TTC21B: variants seen among roughly 807,000 people sequenced by gnomAD.
TTC21B encodes the protein tetratricopeptide repeat domain 21B, also known as tetratricopeptide repeat protein 21B.
Under a neutral mutation model 175.1 loss-of-function variants are expected in TTC21B, and 127 were observed. That is an observed-to-expected ratio of 0.73 (90% CI 0.63 to 0.84). TTC21B has a LOEUF of 0.84. TTC21B is among the 40% of genes least tolerant of loss of function. The pLI is 0.00. For missense variants in TTC21B, 1,561 were observed against 1,558.3 expected, an observed-to-expected ratio of 1.00 and a Z score of -0.03; for synonymous variants, 524 against 524.5, an observed-to-expected ratio of 1.00 and a Z score of 0.01.
rs1407133502 is a variant in TTC21B, at chr2:165,953,739, G to GA, written c.-35dup. 2.1e-5 allele frequency: 33 copies of GA among 1,544,982 alleles called. No individual in the cohort carries two copies. Among genetic ancestry groups the GA allele is most frequent in the Non-Finnish European group, 2.6e-6 (3 of 1,144,422 alleles). On this transcript the variant is annotated 5_prime_UTR_variant, in exon 1 of 29. Coordinates refer to ENST00000243344, the MANE Select transcript of TTC21B (RefSeq NM_024753.5). Reference sequence around the variant, plus strand: ...CGAGGCCGGGCCGCGGGGCTCTGGGGATTGTCTCGCCGCAGCCTAAAGGAA... The same window carrying GA: ...CGAGGCCGGGCCGCGGGGCTCTGGGGAATTGTCTCGCCGCAGCCTAAAGGAA...
intron 4 of TTC21B, among the ~76,000 whole-genome samples, chr2:165,944,515 A>T (rs1687481156): frequency 6.6e-6 from 1 of 152,310 alleles, no homozygotes; most frequent in African/African-American, 2.4e-5. Flanking sequence ...ACAAGGAAGT[A>T]CTATCTTTTT....
At chr2:165,883,395 G>A (rs1378283004) in intron 26 of TTC21B, among the ~76,000 whole-genome samples, 2 of 152,104 alleles carry the variant, frequency 1.3e-5, no homozygotes, top group Non-Finnish European at 2.9e-5. Flanking sequence ...TTCTAATAAT[G>A]AGAAAATGAC....
chr2:165,941,349 T>A (rs752812496), intron 5 of TTC21B, among the ~76,000 whole-genome samples, 165 bp from the exon 6 acceptor site: 22 of 152,210 alleles, frequency 1.4e-4, no homozygotes, highest in Non-Finnish European at 2.9e-4. Context: ...CATCACAGAA[T>A]AATACAAATA....
chr2:165,879,639 A>T (rs1200057412), intron 27 of TTC21B: 1 of 152,248 alleles, frequency 6.6e-6, no homozygotes, highest in Admixed American at 6.5e-5. Flanking sequence ...TAAGAAGCCA[A>T]ATCATATTTG....
intron 15 of TTC21B, among the ~76,000 whole-genome samples, chr2:165,914,698 T>TGTGCGCGCGCGCGCG (rs71031214): frequency 7.6e-6 from 1 of 132,376 alleles, no homozygotes; most frequent in Admixed American, 7.5e-5. Context: ...TGTGTGTGTG[T>TGTGCGCGCGCGCGCG]TGTGTATCCC....
chr2:165,943,489 C>A, intron 4 of TTC21B, 148 bp from the exon 5 acceptor site: 1 of 696,770 alleles, frequency 1.4e-6, no homozygotes, highest in Non-Finnish European at 2.4e-6. Context: ...TTAGTGAAAT[C>A]ACTTTTGAAC....
intron 4 of TTC21B, 101 bp from the exon 5 acceptor site, chr2:165,943,442 G>C (rs1425685458): frequency 1.1e-6 from 1 of 920,302 alleles, no homozygotes; most frequent in Non-Finnish European, 1.7e-6. Flanking sequence ...ATAACAAAAA[G>C]GACTCTATCA....
intron 22 of TTC21B, among the ~76,000 whole-genome samples, chr2:165,894,494 C>G (rs1375922462): frequency 6.6e-6 from 1 of 152,016 alleles, no homozygotes; most frequent in African/African-American, 2.4e-5. Context: ...ATGTAAGGTA[C>G]TAGTAAGAAT....
In TTC21B at chr2:165,931,757, C is replaced by T. The variant is rs1686915043; in HGVS notation, c.894+1G>A. ...CTCTGGTACATGGTAGGCACTCTCACAGTTCTGCTGAAGGCGAGTGTAATG... is the reference window on the plus strand; with the variant it reads ...CTCTGGTACATGGTAGGCACTCTCATAGTTCTGCTGAAGGCGAGTGTAATG... On this transcript the variant is annotated splice_donor_variant, in intron 8 of 28. Transcript: ENST00000243344. LOFTEE classifies it high-confidence loss of function. 1 of 1,611,548 alleles carries T rather than the reference C, an allele frequency of 6.2e-7. No individual in the cohort carries two copies. Among genetic ancestry groups the T allele is most frequent in the South Asian group, 1.1e-5 (1 of 91,018 alleles).
At chr2:165,886,219 A>G (rs1374825706) in intron 25 of TTC21B, among the ~76,000 whole-genome samples, 4 of 152,000 alleles carry the variant, frequency 2.6e-5, no homozygotes, top group Admixed American at 6.6e-5. Flanking sequence ...CTTAAATCCT[A>G]TTTTTTCTTA....
At chr2:165,909,328 G>A (rs1219641478) in intron 18 of TTC21B, among the ~76,000 whole-genome samples, 1 of 151,988 alleles carries the variant, frequency 6.6e-6, no homozygotes, top group East Asian at 1.9e-4. Context: ...TAGGATTAGG[G>A]AAGGTCTTTT....
chr2:165,893,875 T>C (rs1685275762), intron 22 of TTC21B, among the ~76,000 whole-genome samples: 1 of 152,064 alleles, frequency 6.6e-6, no homozygotes, highest in Non-Finnish European at 1.5e-5. Flanking sequence ...AACTTTGATA[T>C]TATTAAAGCG....
Position 165,917,272 on chromosome 2 carries a change from GCGGTGAA to G in TTC21B, c.1877_1883del (p.Val626AlafsTer2). On this transcript the variant is annotated frameshift_variant, in exon 14 of 29. Coordinates refer to ENST00000243344, the MANE Select transcript of TTC21B (RefSeq NM_024753.5). LOFTEE classifies it high-confidence loss of function. Reference sequence around the variant, plus strand: ...CTTGACCTACCTGCTCTCCATTTAAGCGGTGAACGTCTATCAATTCAAGAAAGATCGA... The same window carrying G: ...CTTGACCTACCTGCTCTCCATTTAAGCGTCTATCAATTCAAGAAAGATCGA... The G allele has an allele frequency of 6.2e-7, 1 of 1,614,070 alleles. No individual in the cohort carries two copies. Among genetic ancestry groups the G allele is most frequent in the Non-Finnish European group, 8.5e-7 (1 of 1,179,946 alleles).
At chr2:165,936,058 C>G (rs1433292423) in intron 6 of TTC21B, among the ~76,000 whole-genome samples, 1 of 151,908 alleles carries the variant, frequency 6.6e-6, no homozygotes, top group East Asian at 1.9e-4. Context: ...TAGTTGACCT[C>G]AAGACTTACT....
At chr2:165,893,885 G>A (rs1685276214) in intron 22 of TTC21B, among the ~76,000 whole-genome samples, 2 of 152,228 alleles carry the variant, frequency 1.3e-5, no homozygotes, top group East Asian at 1.9e-4. Context: ...TTATTAAAGC[G>A]GAGGAAGAAG....
At chr2:165,890,785 G>C (rs1685160963) in intron 23 of TTC21B, 53 bp downstream of exon 23, 9 of 1,576,968 alleles carry the variant, frequency 5.7e-6, no homozygotes, top group Non-Finnish European at 7.8e-6. Flanking sequence ...TATTCTACTT[G>C]ATTTACAATG....
intron 27 of TTC21B, among the ~76,000 whole-genome samples, chr2:165,876,696 T>C (rs1477613487): frequency 6.6e-6 from 1 of 152,056 alleles, no homozygotes; most frequent in East Asian, 1.9e-4. Context: ...ATTGCATGAG[T>C]AAATAATTTC....
At chr2:165,941,264 T>C (rs979163088) in intron 5 of TTC21B, 80 bp from the exon 6 acceptor site, 1 of 1,516,974 alleles carries the variant, frequency 6.6e-7, no homozygotes, top group Non-Finnish European at 9.1e-7. Flanking sequence ...AGGCAGAGTA[T>C]GAGCGTTTAA....
intron 10 of TTC21B, 51 bp downstream of exon 10, chr2:165,929,599 A>T (rs370864018): frequency 7.6e-7 from 1 of 1,307,428 alleles, no homozygotes; most frequent in African/African-American, 1.5e-5. Context: ...TAATAATTTC[A>T]TATTTTATAA....
Sources: allele counts gnomAD v4.1 joint callset (sites outside exome capture counted in the v4.1 genomes callset), GRCh38; gene constraint gnomAD v4.1.1; transcripts MANE v1.5; gene names NCBI Gene and HGNC (gene_info 2026-07-23, HGNC 2026-07-21).